Variants in FSTL4 observed in about 807,000 individuals in gnomAD.
The protein encoded by FSTL4 is follistatin-related protein 4.
In FSTL4, 28 loss-of-function variants were observed where a neutral mutation model predicts 78.2. The ratio of observed to expected loss-of-function variants is 0.36; its 90% CI spans 0.27 to 0.49. The LOEUF (loss-of-function observed/expected upper bound fraction) is 0.49. Ranked by LOEUF, FSTL4 falls within the 20% of genes least tolerant of loss-of-function variation. The pLI, the probability that FSTL4 is intolerant of heterozygous loss-of-function variation, is 0.98. For missense variants in FSTL4, 922 were observed against 1,084.9 expected, an observed-to-expected ratio of 0.85 and a Z score of 2.11; for synonymous variants, 422 against 440.5, an observed-to-expected ratio of 0.96 and a Z score of 0.53.
intron 4 of FSTL4, among the ~76,000 whole-genome samples, chr5:133,344,417 T>G (rs17166619): frequency 2.6e-5 from 4 of 152,214 alleles, no homozygotes; most frequent in Admixed American, 2.6e-4. Flanking sequence ...AACATTCTGA[T>G]GATGTAACCC....
intron 12 of FSTL4, among the ~76,000 whole-genome samples, chr5:133,217,591 G>A (rs964571861): frequency 3.9e-5 from 6 of 152,092 alleles, no homozygotes; most frequent in African/African-American, 7.2e-5. Flanking sequence ...CTTTGCACCC[G>A]CTCAGTTAGC....
At chr5:133,271,286 C>T (rs1256884167) in intron 6 of FSTL4, among the ~76,000 whole-genome samples, 2 of 152,200 alleles carry the variant, frequency 1.3e-5, no homozygotes, top group Non-Finnish European at 2.9e-5. Flanking sequence ...TAGGAGCCAT[C>T]GGCTTAATGG....
chr5:133,455,745 G>A (rs1390324874), intron 3 of FSTL4, among the ~76,000 whole-genome samples: 2 of 152,212 alleles, frequency 1.3e-5, no homozygotes, highest in African/African-American at 2.4e-5. Context: ...GAAGAGAAGT[G>A]AATGGTCAAA....
intron 4 of FSTL4, among the ~76,000 whole-genome samples, chr5:133,371,103 C>A (rs1267710911): frequency 6.6e-6 from 1 of 152,216 alleles, no homozygotes; most frequent in African/African-American, 2.4e-5. Context: ...AGGGCCCATG[C>A]AGGGATGGGG....
chr5:133,346,435 G>T (rs1754699494), intron 4 of FSTL4, among the ~76,000 whole-genome samples: 1 of 152,100 alleles, frequency 6.6e-6, no homozygotes, highest in African/African-American at 2.4e-5. Context: ...AAAAATAAAA[G>T]AACTGTGAAG....
intron 4 of FSTL4, among the ~76,000 whole-genome samples, chr5:133,370,168 G>T (rs1173065883): frequency 6.6e-6 from 1 of 152,142 alleles, no homozygotes; most frequent in Non-Finnish European, 1.5e-5. Flanking sequence ...AATATTTTCT[G>T]TCTGCCCTGA....
intron 2 of FSTL4, among the ~76,000 whole-genome samples, chr5:133,570,213 A>C (rs983529063): frequency 6.6e-6 from 1 of 152,108 alleles, no homozygotes; most frequent in African/African-American, 2.4e-5. Flanking sequence ...TCTCAAAAAA[A>C]AAACAAAAAA....
the FSTL4 span, among the ~76,000 whole-genome samples, chr5:133,621,381 C>T: frequency 2.6e-5 from 4 of 152,148 alleles, no homozygotes; most frequent in Non-Finnish European, 5.9e-5. Context: ...GCCTAGGCAA[C>T]AGAGCGAGAC....
At chr5:133,279,659 A>G (rs1752967702) in intron 6 of FSTL4, among the ~76,000 whole-genome samples, 2 of 152,202 alleles carry the variant, frequency 1.3e-5, no homozygotes, top group African/African-American at 2.4e-5. Flanking sequence ...TGGTAGGCCT[A>G]TGAGACCCAC....
chr5:133,517,608 TTGTGTGTGTGTG>T (rs34680612), intron 3 of FSTL4, among the ~76,000 whole-genome samples: 1 of 139,442 alleles, frequency 7.2e-6, no homozygotes. Flanking sequence ...ATAGAACTAA[TTGTGTGTGTGTG>T]TGTGTGTGTG....
intron 2 of FSTL4, among the ~76,000 whole-genome samples, chr5:133,593,098 G>A (rs1176881361): frequency 6.6e-6 from 1 of 152,070 alleles, no homozygotes; most frequent in Non-Finnish European, 1.5e-5. Context: ...GATGAAGGAC[G>A]ACAGAGGAAG....
chr5:133,599,709 TG>T (rs1760815241), intron 2 of FSTL4, among the ~76,000 whole-genome samples: 2 of 152,134 alleles, frequency 1.3e-5, no homozygotes, highest in South Asian at 4.1e-4. Context: ...GAGATGCTGG[TG>T]CTGGAACACG....
At chr5:133,336,784 C>G (rs1201148169) in intron 4 of FSTL4, among the ~76,000 whole-genome samples, 1 of 152,152 alleles carries the variant, frequency 6.6e-6, no homozygotes, top group East Asian at 1.9e-4. Context: ...CTCCCTGGGG[C>G]CTTTTCTGAT....
chr5:133,491,039 A>G (rs145334732), intron 3 of FSTL4, among the ~76,000 whole-genome samples: 2 of 152,250 alleles, frequency 1.3e-5, no homozygotes, highest in East Asian at 3.9e-4. Context: ...TTATCTGTAC[A>G]CCAAAACCCT....
intron 7 of FSTL4, 59 bp downstream of exon 7, chr5:133,249,351 C>G (rs1230068500): frequency 7.4e-7 from 1 of 1,348,704 alleles, no homozygotes. Context: ...TGGCATCTTA[C>G]CCAGTGTACT....
At chr5:133,238,408 A>G (rs1302702286) in intron 7 of FSTL4, among the ~76,000 whole-genome samples, 1 of 152,200 alleles carries the variant, frequency 6.6e-6, no homozygotes, top group Non-Finnish European at 1.5e-5. Context: ...TCTCACCTGC[A>G]CAGTCAAATG....
chr5:133,471,171 T>C (rs931047311), intron 3 of FSTL4, among the ~76,000 whole-genome samples: 3 of 152,206 alleles, frequency 2.0e-5, no homozygotes, highest in Admixed American at 1.3e-4. Context: ...TTAATTTTGA[T>C]TTGTAAAATA....
chr5:133,493,231 G>C (rs1758305383), intron 3 of FSTL4, among the ~76,000 whole-genome samples: 1 of 152,178 alleles, frequency 6.6e-6, no homozygotes, highest in Admixed American at 6.5e-5. Flanking sequence ...TGGCAAATTA[G>C]TTCCTTATGA....
In FSTL4 at chr5:133,603,900, G is replaced by C; in HGVS notation, c.84C>G (p.Thr28=). 1.2e-6 allele frequency: 2 copies of C among 1,614,080 alleles called. No homozygotes were observed. Among genetic ancestry groups the C allele is most frequent in the Non-Finnish European group, 1.7e-6 (2 of 1,179,932 alleles). The part of the protein sequence containing the change: ...PAALGWMDPG[T]SRGPDVGVGE... ...CCACACCCACATCCGGGCCTCTGCTGGTTCCTGGGTCCATCCATCCCAGCG... is the reference window on the plus strand; with the variant it reads ...CCACACCCACATCCGGGCCTCTGCTCGTTCCTGGGTCCATCCATCCCAGCG... Residue 28 remains threonine (T), a synonymous_variant, in exon 2 of 16, where the codon ACC becomes ACG. Transcript: ENST00000265342.
Sources: gnomAD v4.1 joint callset for allele counts (sites outside exome capture counted in the v4.1 genomes callset) on GRCh38, gnomAD v4.1.1 for gene constraint, MANE v1.5 for transcripts, NCBI Gene and HGNC (gene_info 2026-07-23, HGNC 2026-07-21) for gene names.